Variants in RFC3 observed in about 807,000 individuals in gnomAD.
RFC3 encodes replication factor C subunit 3.
Under a neutral mutation model 45.1 loss-of-function variants are expected in RFC3, and 41 were observed. The observed-to-expected ratio is 0.91, with a 90% CI of 0.71 to 1.18. The LOEUF is 1.18. RFC3 is among the 50% of genes most tolerant of loss of function. The pLI, the probability that RFC3 is intolerant of heterozygous loss-of-function variation, is 0.00. For missense variants in RFC3, 423 were observed against 428.1 expected, an observed-to-expected ratio of 0.99 and a Z score of 0.10; for synonymous variants, 149 against 144.0, an observed-to-expected ratio of 1.03 and a Z score of -0.25.
At chr13:33,879,066 T>C (rs1308601354) in intron 8 of RFC3, among the ~76,000 whole-genome samples, 2 of 152,122 alleles carry the variant, frequency 1.3e-5, no homozygotes, top group Non-Finnish European at 2.9e-5. Context: ...TCCCTATAAA[T>C]TTCTTCCCAT....
At chr13:33,831,658 CA>C (rs1375229210) in intron 7 of RFC3, among the ~76,000 whole-genome samples, 1 of 116,210 alleles carries the variant, frequency 8.6e-6, no homozygotes, top group South Asian at 2.8e-4. Context: ...ACATACAACA[CA>C]AAGCTAGAGA....
chr13:33,821,031 A>T, intron 1 of RFC3, 101 bp from the exon 2 acceptor site: 2 of 1,206,652 alleles, frequency 1.7e-6, no homozygotes, highest in South Asian at 1.8e-5. Flanking sequence ...TGGGAGTTTC[A>T]TGGGTAGACA....
chr13:33,903,958 T>C (rs2082656928), intron 8 of RFC3, among the ~76,000 whole-genome samples: 1 of 152,132 alleles, frequency 6.6e-6, no homozygotes, highest in South Asian at 2.1e-4. Context: ...GTAAACATCA[T>C]GTTTATTACA....
rs192288230 is a variant in RFC3, at chr13:33,950,357, A to G, written c.880-15730A>G. 3.5e-3 allele frequency among the ~76,000 whole-genome samples: 530 copies of G among 152,300 alleles called. 3 individuals carry two copies. Among genetic ancestry groups the G allele is most frequent in the African/African-American group, 0.012 (498 of 41,558 alleles). ...GCTAAGGAACTAGCAGTTTTAGCTAACATTGATTTTGCACTATTAGTAAAA... is the reference window on the plus strand; with the variant it reads ...GCTAAGGAACTAGCAGTTTTAGCTAGCATTGATTTTGCACTATTAGTAAAA... On this transcript the variant is annotated intron_variant, in intron 8 of 8. Transcript: ENST00000434425.
Position 33,835,302 on chromosome 13 carries a change from A to G in RFC3, c.879+85A>G, listed in dbSNP as rs745564914. The G allele has an allele frequency of 2.3e-5, 19 of 822,198 alleles. No individual in the cohort carries two copies. In the East Asian group the frequency reaches 4.1e-4, roughly 18 times the overall value. 50.9% of individuals were successfully genotyped at this position (822,198 alleles called of 1,614,324 possible). ...GATCATAGGGCTTTTTGCAGTATCA[A>G]GATATCACCTCTTTCTCTCCAGCGC... On this transcript the variant is annotated intron_variant, in intron 8 of 8. Transcript: ENST00000380071.
intron 8 of RFC3, among the ~76,000 whole-genome samples, chr13:33,868,302 G>A (rs1427928475): frequency 1.3e-5 from 2 of 152,130 alleles, no homozygotes; most frequent in Non-Finnish European, 1.5e-5. Flanking sequence ...CATTACAGAA[G>A]CTGAAATTGA....
At chr13:33,869,030 T>TC (rs1408352710) in intron 8 of RFC3, among the ~76,000 whole-genome samples, 2 of 152,204 alleles carry the variant, frequency 1.3e-5, no homozygotes, top group Non-Finnish European at 1.5e-5. Context: ...GTGGCTAGTG[T>TC]CAGAATCCTG....
At chr13:33,952,682 T>C (rs181709955) in intron 8 of RFC3, among the ~76,000 whole-genome samples, 1 of 152,324 alleles carries the variant, frequency 6.6e-6, no homozygotes, top group African/African-American at 2.4e-5. Flanking sequence ...TGGTCCTAGT[T>C]GAAAGGGAGA....
intron 8 of RFC3, among the ~76,000 whole-genome samples, chr13:33,869,922 C>T (rs1405967504): frequency 6.6e-6 from 1 of 152,130 alleles, no homozygotes; most frequent in African/African-American, 2.4e-5. Flanking sequence ...GCGTAAAAAA[C>T]CTGATGCTGT....
At chr13:33,855,701 T>C (rs2082304770) in intron 8 of RFC3, among the ~76,000 whole-genome samples, 1 of 152,218 alleles carries the variant, frequency 6.6e-6, no homozygotes, top group South Asian at 2.1e-4. Flanking sequence ...TCGTTGTGGC[T>C]TTGATTTACA....
chr13:33,909,060 T>A (rs889449944), intron 8 of RFC3, among the ~76,000 whole-genome samples: 3 of 152,094 alleles, frequency 2.0e-5, no homozygotes, highest in African/African-American at 7.2e-5. Context: ...AATGTCTGGG[T>A]ACCCCAGGTC....
At chr13:33,844,624 A>G (rs536942020) in intron 8 of RFC3, among the ~76,000 whole-genome samples, 5 of 152,172 alleles carry the variant, frequency 3.3e-5, no homozygotes, top group Admixed American at 6.5e-5. Context: ...TGACAATTTA[A>G]CACTAATTTC....
At chr13:33,855,750 T>G (rs2082305191) in intron 8 of RFC3, among the ~76,000 whole-genome samples, 1 of 152,236 alleles carries the variant, frequency 6.6e-6, no homozygotes, top group Non-Finnish European at 1.5e-5. Flanking sequence ...TTTTTTCATA[T>G]GCTTGTTGGC....
intron 8 of RFC3, among the ~76,000 whole-genome samples, chr13:33,951,212 C>A (rs1287757129): frequency 6.6e-6 from 1 of 151,074 alleles, no homozygotes; most frequent in Non-Finnish European, 1.5e-5. Context: ...CTTTGCATAT[C>A]ACTGGGTATA....
chr13:33,840,130 G>T (rs1463285229), downstream of RFC3, among the ~76,000 whole-genome samples: 1 of 152,092 alleles, frequency 6.6e-6, no homozygotes, highest in Non-Finnish European at 1.5e-5. Flanking sequence ...CTTTGGGTTT[G>T]TTGCAGTCCT....
chr13:33,934,414 G>A (rs559284821), intron 8 of RFC3, among the ~76,000 whole-genome samples: 15 of 152,190 alleles, frequency 9.9e-5, no homozygotes, highest in African/African-American at 3.6e-4. Flanking sequence ...AGAGGGAGAA[G>A]GAAGCAACTG....
At chr13:33,965,823 G>A (rs1474739452) in intron 8 of RFC3, among the ~76,000 whole-genome samples, 3 of 152,150 alleles carry the variant, frequency 2.0e-5, no homozygotes, top group Non-Finnish European at 4.4e-5. Flanking sequence ...CCTGGACAGG[G>A]CTTTGCAGGT....
At chr13:33,927,193 T>C (rs147880415) in intron 8 of RFC3, among the ~76,000 whole-genome samples, 2,512 of 151,758 alleles carry the variant, frequency 0.017, 71 homozygotes, top group African/African-American at 0.055. Flanking sequence ...GATGTTCACA[T>C]TGCTTGGTAA....
chr13:33,910,624 G>A (rs2082698185), intron 8 of RFC3, among the ~76,000 whole-genome samples: 1 of 152,144 alleles, frequency 6.6e-6, no homozygotes. Flanking sequence ...GAGTCTAGAA[G>A]AGGATATTTC....
Sources: gnomAD v4.1 joint callset for allele counts (sites outside exome capture counted in the v4.1 genomes callset) on GRCh38, gnomAD v4.1.1 for gene constraint, MANE v1.5 for transcripts, NCBI Gene and HGNC (gene_info 2026-07-23, HGNC 2026-07-21) for gene names.